Variants in MED27 observed in about 807,000 individuals in gnomAD.
MED27 encodes mediator of RNA polymerase II transcription subunit 27.
Under a neutral mutation model 38.2 loss-of-function variants are expected in MED27, and 30 were observed. That is an observed-to-expected ratio of 0.79 (90% confidence interval 0.59 to 1.07). The LOEUF (loss-of-function observed/expected upper bound fraction) is 1.07. MED27 is among the 50% of genes least tolerant of loss of function. The pLI, the probability that MED27 is intolerant of heterozygous loss-of-function variation, is 0.00. For synonymous variants in MED27, 122 were observed against 153.5 expected (o/e 0.79, Z 1.52); for missense variants, 289 against 397.5 (o/e 0.73, Z 2.32).
At chr9:132,022,248 A>G (rs183954271) in intron 2 of MED27, among the ~76,000 whole-genome samples, 7 of 152,282 alleles carry the variant, frequency 4.6e-5, no homozygotes. Context: ...GTCACCAGCT[A>G]AGGTTGAACC....
chr9:131,899,708 C>T (rs188477726), intron 4 of MED27, among the ~76,000 whole-genome samples: 12 of 152,320 alleles, frequency 7.9e-5, no homozygotes, highest in South Asian at 4.1e-4. Flanking sequence ...GCTCTGCCAT[C>T]GAGATGGAGC....
At chr9:131,964,261 A>G (rs1831284407) in intron 3 of MED27, among the ~76,000 whole-genome samples, 1 of 1,752 alleles carries the variant, frequency 5.7e-4, no homozygotes, top group Admixed American at 8.6e-3. Flanking sequence ...CACTCAATAA[A>G]TAACAGCTGC....
chr9:131,937,904 C>T (rs1036517633), intron 4 of MED27, among the ~76,000 whole-genome samples: 1 of 151,838 alleles, frequency 6.6e-6, no homozygotes, highest in African/African-American at 2.4e-5. Flanking sequence ...CAGCTCACTG[C>T]AACCTCTGGA....
intron 6 of MED27, among the ~76,000 whole-genome samples, chr9:131,864,633 T>G (rs1046916045): frequency 6.6e-6 from 1 of 152,262 alleles, no homozygotes; most frequent in African/African-American, 2.4e-5. Flanking sequence ...GCTGAACCCA[T>G]GCAGGCGCAG....
intron 3 of MED27, 21 bp from the exon 4 acceptor site, chr9:131,939,495 CAT>C (rs759472137): frequency 3.1e-5 from 47 of 1,504,786 alleles, no homozygotes; most frequent in East Asian, 2.1e-4. Flanking sequence ...AAAAAATAAA[CAT>C]GTGTGAACTA....
At chr9:132,032,803 TCA>T (rs1832991293) in intron 2 of MED27, among the ~76,000 whole-genome samples, 1 of 152,082 alleles carries the variant, frequency 6.6e-6, no homozygotes, top group Non-Finnish European at 1.5e-5. Context: ...CCCCTCCCTC[TCA>T]CAGCCCTGCG....
chr9:131,971,076 C>T (rs1341634739), intron 3 of MED27, among the ~76,000 whole-genome samples: 1 of 151,914 alleles, frequency 6.6e-6, no homozygotes, highest in Non-Finnish European at 1.5e-5. Context: ...CCAGTAGCAA[C>T]AACAAAAAAG....
intron 2 of MED27, among the ~76,000 whole-genome samples, chr9:132,020,986 G>A (rs899305163): frequency 1.3e-5 from 2 of 152,172 alleles, no homozygotes; most frequent in Non-Finnish European, 2.9e-5. Flanking sequence ...TGGAAGCTCG[G>A]TTTCACAGCT....
chr9:132,064,286 G>C (rs1833763071), intron 2 of MED27, among the ~76,000 whole-genome samples: 1 of 152,184 alleles, frequency 6.6e-6, no homozygotes, highest in Non-Finnish European at 1.5e-5. Context: ...CTGAAGTCAG[G>C]GAATAAGGCC....
chr9:131,893,346 AT>A (rs1211519920), intron 5 of MED27, among the ~76,000 whole-genome samples: 10 of 152,178 alleles, frequency 6.6e-5, no homozygotes, highest in African/African-American at 2.4e-4. Context: ...GTCAAAAGGA[AT>A]TAGGGGTTCA....
At chr9:131,908,438 G>A (rs1830120877) in intron 4 of MED27, among the ~76,000 whole-genome samples, 1 of 152,252 alleles carries the variant, frequency 6.6e-6, no homozygotes, top group Admixed American at 6.5e-5. Flanking sequence ...ATAGAAAGCG[G>A]GGAAAGGTGG....
chr9:132,059,888 A>C (rs1179560955), intron 2 of MED27, among the ~76,000 whole-genome samples: 1 of 152,214 alleles, frequency 6.6e-6, no homozygotes, highest in Non-Finnish European at 1.5e-5. Flanking sequence ...CTCAGAGCTA[A>C]CACTGAGGGA....
In MED27 at chr9:131,913,329, A is replaced by G. The variant is rs1190095815; in HGVS notation, c.574-19337T>C. ...GGATCTCACTTCAAATCCCAGCTGT[A>G]CCACTTAATGTGACCTTGAACAAGT... On this transcript the variant is annotated intron_variant, in intron 4 of 7. Transcript: ENST00000292035. This position sits in a 1 kb window ranked among gnomAD's most constrained non-coding sequence, Gnocchi z 4.5. 6.6e-6 allele frequency among the ~76,000 whole-genome samples: 1 copy of G among 152,186 alleles called. No homozygotes were observed. The highest frequency in any genetic ancestry group is 1.9e-4 in the East Asian group (1 of 5,198).
At chr9:132,076,005 A>G (rs971772866) in intron 2 of MED27, among the ~76,000 whole-genome samples, 4 of 152,158 alleles carry the variant, frequency 2.6e-5, no homozygotes, top group Non-Finnish European at 4.4e-5. Flanking sequence ...GCACCTATCA[A>G]GTTTGGGCCA....
intron 1 of MED27, among the ~76,000 whole-genome samples, chr9:132,079,299 G>T (rs1426902533): frequency 6.6e-6 from 1 of 152,162 alleles, no homozygotes; most frequent in Non-Finnish European, 1.5e-5. Flanking sequence ...CGGATCAGAC[G>T]TGATGGGGCA....
intron 2 of MED27, among the ~76,000 whole-genome samples, chr9:132,057,308 C>G (rs1833601912): frequency 6.6e-6 from 1 of 152,212 alleles, no homozygotes; most frequent in Admixed American, 6.5e-5. Context: ...TTAGCGTCCT[C>G]ATCCGGCAAA....
At chr9:132,013,972 G>A (rs939656568) in intron 3 of MED27, among the ~76,000 whole-genome samples, 8 of 152,072 alleles carry the variant, frequency 5.3e-5, no homozygotes, top group South Asian at 4.1e-4. Flanking sequence ...TTGGGAGGCC[G>A]AGGCAGGTGG....
Position 131,929,982 on chromosome 9 carries a change from G to A in MED27, c.573+9399C>T, listed in dbSNP as rs116892951. ...ACCCAGCACAGTCTCAGGAGTGGTG[G>A]CCACAGTGGTGTTTGCATCACCTCA... On this transcript the variant is annotated intron_variant, in intron 4 of 7. Coordinates refer to ENST00000292035, the MANE Select transcript of MED27 (RefSeq NM_004269.4). Among the ~76,000 whole-genome samples the A allele has an allele frequency of 4.3e-3, 650 of 152,330 alleles. 4 individuals carry two copies. Among genetic ancestry groups the A allele is most frequent in the South Asian group, 0.022 (105 of 4,826 alleles).
At chr9:131,934,267 T>C (rs1830642172) in intron 4 of MED27, among the ~76,000 whole-genome samples, 1 of 151,968 alleles carries the variant, frequency 6.6e-6, no homozygotes, top group Non-Finnish European at 1.5e-5. Context: ...AAAGCAAAAA[T>C]GGATAAATGG....
Sources: gnomAD v4.1 joint callset for allele counts (sites outside exome capture counted in the v4.1 genomes callset) on GRCh38, gnomAD v4.1.1 for gene constraint, Gnocchi (gnomAD v3.1) non-coding constraint, MANE v1.5 for transcripts, NCBI Gene and HGNC (gene_info 2026-07-23, HGNC 2026-07-21) for gene names.